The following DGKA variants were observed in gnomAD, a reference collection of about 807,000 sequenced individuals.
The protein encoded by DGKA is 80 kDa diacylglycerol kinase.
Under a neutral mutation model 105.0 loss-of-function variants are expected in DGKA, and 35 were observed. The observed-to-expected ratio is 0.33, with a 90% CI of 0.25 to 0.44. The LOEUF is 0.44. Ranked by LOEUF, DGKA falls within the 20% of genes least tolerant of loss-of-function variation. The pLI is 1.00. For missense variants in DGKA, 665 were observed against 915.0 expected (o/e 0.73, Z 3.53); for synonymous variants, 296 against 332.0 (o/e 0.89, Z 1.18).
At position 55,953,122 on chromosome 12, in the gene DGKA, T is replaced by A. The variant is rs779833123; in HGVS notation, c.2025T>A (p.Ala675=). Residue 675 remains alanine, a synonymous_variant, in exon 22 of 24, where the codon GCT becomes GCA. Coordinates refer to ENST00000331886, the MANE Select transcript of DGKA (RefSeq NM_001345.5). ...AAATCTATACCAAGCTCAAGAATGC[T>A]GGACGTCGGCTGGCCAAGTGCTCTG... is the stretch of plus-strand genomic sequence containing the variant. ...MGQIYTKLKN[A]GRRLAKCSEI... The A allele has an allele frequency of 6.2e-7, 1 of 1,614,036 alleles. No individual in the cohort carries two copies. Among genetic ancestry groups the A allele is most frequent in the Non-Finnish European group, 8.5e-7 (1 of 1,180,056 alleles).
intron 17 of DGKA, among the ~76,000 whole-genome samples, chr12:55,943,932 G>A (rs1368156293): frequency 6.6e-6 from 1 of 152,104 alleles, no homozygotes; most frequent in Non-Finnish European, 1.5e-5. Context: ...CAAGTTAGCA[G>A]AAAACATTGC....
chr12:55,934,095 C>T (rs1000909486), intron 1 of DGKA, among the ~76,000 whole-genome samples: 5 of 152,200 alleles, frequency 3.3e-5, no homozygotes, highest in African/African-American at 1.2e-4. Flanking sequence ...TTAACTTCTA[C>T]TGTATACTAC....
chr12:55,937,989 C>G lies in DGKA; in HGVS notation c.286C>G (p.Leu96Val). 1 of 1,614,130 alleles carries G rather than the reference C, an allele frequency of 6.2e-7. No individual in the cohort carries two copies. The highest frequency in any genetic ancestry group is 8.5e-7 in the Non-Finnish European group (1 of 1,180,024). ...TTTTTTGTAACCAGATGTGGTGTGT[C>G]TCAATGATGTTTCCTGCTACTTTTC... ...ETNVTKDVVC[L>V]NDVSCYFSLL... is the part of the protein sequence containing the mutation. The change falls in exon 5 of 24, where the codon CTC (leucine) becomes GTC (valine). Residue 96 changes from leucine to valine, a missense_variant. Transcript: ENST00000331886.
At chr12:55,928,546 C>T (rs1485678290), upstream of DGKA, among the ~76,000 whole-genome samples, 1 of 151,566 alleles carries the variant, frequency 6.6e-6, no homozygotes, top group Non-Finnish European at 1.5e-5. Flanking sequence ...GGCGTGGTGG[C>T]GGGTGCCTGT....
chr12:55,933,324 C>T (rs560771956), intron 1 of DGKA, among the ~76,000 whole-genome samples: 4 of 152,270 alleles, frequency 2.6e-5, no homozygotes, highest in East Asian at 1.9e-4. Context: ...CTTCCTTTCT[C>T]GCCCCAATTG....
intron 17 of DGKA, among the ~76,000 whole-genome samples, chr12:55,943,638 T>C (rs181849760): frequency 1.3e-5 from 2 of 148,794 alleles, no homozygotes; most frequent in East Asian, 3.9e-4. Context: ...GAGCAAACTC[T>C]TTTTTTTTCT....
rs1441223999 is a variant in DGKA, at chr12:55,942,161, C to A, written c.1337-13C>A. 6.2e-7 allele frequency: 1 copy of A among 1,614,198 alleles called. No individual in the cohort carries two copies. Among genetic ancestry groups the A allele is most frequent in the Non-Finnish European group, 8.5e-7 (1 of 1,180,022 alleles). On this transcript the variant is annotated splice_polypyrimidine_tract_variant and intron_variant, in intron 16 of 23. Coordinates refer to ENST00000331886, the MANE Select transcript of DGKA (RefSeq NM_001345.5). Reference sequence around the variant, plus strand: ...CTAACTCACTCCATCCTTCTCTTCACCTGCCTCCGCAGACAAAGCTAACTT... The same window carrying A: ...CTAACTCACTCCATCCTTCTCTTCAACTGCCTCCGCAGACAAAGCTAACTT...
chr12:55,941,180 C>T (rs1361123258), intron 13 of DGKA, 72 bp from the exon 14 acceptor site: 1 of 1,500,526 alleles, frequency 6.7e-7, no homozygotes, highest in Non-Finnish European at 9.1e-7. Context: ...CCCTCTGCCC[C>T]TGTCTCCTGG....
At chr12:55,934,031 T>G (rs1884166365) in intron 1 of DGKA, among the ~76,000 whole-genome samples, 1 of 152,214 alleles carries the variant, frequency 6.6e-6, no homozygotes, top group Non-Finnish European at 1.5e-5. Flanking sequence ...TGAAATGACC[T>G]TTTAAAGAGC....
chr12:55,942,525 C>A, intron 17 of DGKA: 3 of 432,138 alleles, frequency 6.9e-6, no homozygotes, highest in South Asian at 6.9e-5. Flanking sequence ...ACTCTTATGG[C>A]TCAGAGAATC....
At chr12:55,946,701 G>A (rs1887081243) in intron 17 of DGKA, among the ~76,000 whole-genome samples, 1 of 152,176 alleles carries the variant, frequency 6.6e-6, no homozygotes, top group South Asian at 2.1e-4. Context: ...TCTTTGAGAA[G>A]CTAGTATTCT....
chr12:55,953,980 C>G lies in DGKA; in HGVS notation c.*212C>G. 1 of 635,824 alleles carries G rather than the reference C, an allele frequency of 1.6e-6. No individual in the cohort carries two copies. The highest frequency in any genetic ancestry group is 2.7e-6 in the Non-Finnish European group (1 of 372,228). 39.4% of individuals were successfully genotyped at this position (635,824 alleles called of 1,614,324 possible). A position where few individuals can be genotyped will look rare whatever the true frequency, so the allele number is the denominator to read the frequency against. ...CAAAACACATACATTGAAAGTGCCTCATCTGAATAAAATGACTTGTGTTTC... is the reference window on the plus strand; with the variant it reads ...CAAAACACATACATTGAAAGTGCCTGATCTGAATAAAATGACTTGTGTTTC... On this transcript the variant is annotated 3_prime_UTR_variant, in exon 24 of 24. Coordinates refer to ENST00000331886, the MANE Select transcript of DGKA (RefSeq NM_001345.5).
In DGKA at chr12:55,937,982, G is replaced by A; in HGVS notation, c.279G>A (p.Val93=). 6.2e-7 allele frequency: 1 copy of A among 1,614,148 alleles called. No homozygotes were observed. The highest frequency in any genetic ancestry group is 8.5e-7 in the Non-Finnish European group (1 of 1,180,018). Residue 93 remains valine (V), a synonymous_variant, in exon 5 of 24, where the codon GTG becomes GTA. Transcript: ENST00000331886. ...CLNETNVTKD[V]VCLNDVSCYF... ...GATCTGCTTTTTTGTAACCAGATGT[G>A]GTGTGTCTCAATGATGTTTCCTGCT... is the stretch of plus-strand genomic sequence containing the variant.
Position 55,932,733 on chromosome 12 carries a change from AC to A in DGKA, c.-82+1390del. 1.6e-6 allele frequency: 1 copy of A among 619,678 alleles called. No homozygotes were observed. The highest frequency in any genetic ancestry group is 2.3e-5 in the Admixed American group (1 of 42,792). The allele number at this position is 619,678 out of a possible 1,614,324, so 38.4% of individuals were successfully genotyped here. A position where few individuals can be genotyped will look rare whatever the true frequency, so the allele number is the denominator to read the frequency against. ...CGCACACACACACACACACACACAC[AC>A]ACACACAACCCCCTCAGCCAGGTGT... is the stretch of plus-strand genomic sequence containing the variant. On this transcript the variant is annotated intron_variant, in intron 1 of 23. Coordinates refer to ENST00000331886, the MANE Select transcript of DGKA (RefSeq NM_001345.5). The surrounding 1 kb of genome is among the most constrained non-coding windows in gnomAD (Gnocchi z 4.3).
At position 55,940,455 on chromosome 12, in the gene DGKA, T is replaced by G; in HGVS notation, c.918+22T>G. ...AGAGGTCAGTTTGGGAGCCATCCCTTCTGGGTGCGTCTTACCCCGCAGAGC... is the reference window on the plus strand; with the variant it reads ...AGAGGTCAGTTTGGGAGCCATCCCTGCTGGGTGCGTCTTACCCCGCAGAGC... On this transcript the variant is annotated intron_variant, in intron 11 of 23. Coordinates refer to ENST00000331886, the MANE Select transcript of DGKA (RefSeq NM_001345.5). This position sits in a 1 kb window ranked among gnomAD's most constrained non-coding sequence, Gnocchi z 4.3. 1 of 1,612,800 alleles carries G rather than the reference T, an allele frequency of 6.2e-7. No individual in the cohort carries two copies. Among genetic ancestry groups the G allele is most frequent in the Non-Finnish European group, 8.5e-7 (1 of 1,179,380 alleles).
intron 5 of DGKA, 57 bp from the exon 6 acceptor site, chr12:55,938,454 T>C: frequency 6.2e-7 from 1 of 1,605,594 alleles, no homozygotes; most frequent in Non-Finnish European, 8.5e-7. Flanking sequence ...TATTCTGGTA[T>C]GAATTCTTTG....
rs764248272 is a variant in DGKA at position 55,952,257 on chromosome 12, ATGCCCTTCCC to A, written c.1653-81_1653-72del. On this transcript the variant is annotated intron_variant, in intron 19 of 23. Coordinates refer to ENST00000331886, the MANE Select transcript of DGKA (RefSeq NM_001345.5). This position sits in a 1 kb window ranked among gnomAD's most constrained non-coding sequence, Gnocchi z 5.1. ...CCATGGGACTAAAGTTAGGAGGTTG[ATGCCCTTCCC>A]TGTCACGTACCACCCCTGCCAGCAC... 158 of 1,520,204 alleles carry A rather than the reference ATGCCCTTCCC, an allele frequency of 1.0e-4. No homozygotes were observed. The highest frequency in any genetic ancestry group is 1.3e-4 in the Non-Finnish European group (144 of 1,095,166). 94.2% of individuals were successfully genotyped at this position (1,520,204 alleles called of 1,614,324 possible).
Position 55,938,535 on chromosome 12 carries a change from A to T in DGKA, c.374A>T (p.Asp125Val). The T allele has an allele frequency of 6.2e-7, 1 of 1,614,104 alleles. No individual in the cohort carries two copies. Among genetic ancestry groups the T allele is most frequent in the Non-Finnish European group, 8.5e-7 (1 of 1,180,010 alleles). The change falls in exon 6 of 24, where the codon GAC becomes GTC. Residue 125 changes from aspartate (D) to valine (V), a missense_variant. Asp to Val is a radical substitution (Grantham distance 152). Coordinates refer to ENST00000331886, the MANE Select transcript of DGKA (RefSeq NM_001345.5). ...GTCACCTTCAAGCTGTACGACACGG[A>T]CAGAAATGGGATCCTGGACAGCTCA... is the stretch of plus-strand genomic sequence containing the variant. The part of the protein sequence containing the change: ...LEFTFKLYDT[D>V]RNGILDSSEV...
In DGKA at chr12:55,936,551, G is replaced by T. The variant is rs1433192139; in HGVS notation, c.48G>T (p.Leu16=). Residue 16 remains leucine (L), a synonymous_variant, in exon 2 of 24, where the codon CTG becomes CTT. Coordinates refer to ENST00000331886, the MANE Select transcript of DGKA (RefSeq NM_001345.5). ...TAAGCCCCAGTGATTTTGCCCAGCT[G>T]CAAAAATACATGGAATGTGAGTCTT... ...GLISPSDFAQ[L]QKYMEYSTKK... 2.5e-6 allele frequency: 4 copies of T among 1,614,122 alleles called. No homozygotes were observed. The highest frequency in any genetic ancestry group is 1.3e-5 in the African/African-American group (1 of 75,042).
Sources: gnomAD v4.1 joint callset for allele counts (sites outside exome capture counted in the v4.1 genomes callset) on GRCh38, gnomAD v4.1.1 for gene constraint, Gnocchi (gnomAD v3.1) non-coding constraint, MANE v1.5 for transcripts, NCBI Gene and HGNC (gene_info 2026-07-23, HGNC 2026-07-21) for gene names.